The following FSHR variants were observed in gnomAD, a reference collection of about 807,000 sequenced individuals.
FSHR encodes follicle stimulating hormone receptor, also known as follicle-stimulating hormone receptor.
Under a neutral mutation model 52.1 loss-of-function variants are expected in FSHR, and 46 were observed. The ratio of observed to expected loss-of-function variants is 0.88; its 90% CI spans 0.70 to 1.13. The LOEUF (loss-of-function observed/expected upper bound fraction) is 1.13. Among genes scored for constraint, FSHR ranks in the 50% most tolerant of loss-of-function variants. The pLI is 0.00. For synonymous variants in FSHR, 399 were observed against 309.6 expected, an observed-to-expected ratio of 1.29 and a Z score of -3.03; for missense variants, 964 against 834.6, an observed-to-expected ratio of 1.16 and a Z score of -1.91.
In FSHR at chr2:48,981,681, C is replaced by T. The variant is rs371532621; in HGVS notation, c.668+1231G>A. Among the ~76,000 whole-genome samples the T allele has an allele frequency of 3.1e-4, 47 of 152,288 alleles. No homozygotes were observed. The South Asian group carries it at 9.5e-3, about 31-fold the overall frequency. On this transcript the variant is annotated intron_variant, in intron 8 of 9. Transcript: ENST00000406846. ...AATCTCATATATAGATCACAACACA[C>T]CCTTTATCATTAATAATAAATATTT...
chr2:49,018,966 C>G (rs1433287278), intron 3 of FSHR, among the ~76,000 whole-genome samples: 1 of 152,170 alleles, frequency 6.6e-6, no homozygotes, highest in Non-Finnish European at 1.5e-5. Flanking sequence ...TGTTCAAGTT[C>G]TTATTTGTGT....
chr2:49,031,649 G>A (rs1345751186), intron 2 of FSHR, among the ~76,000 whole-genome samples: 2 of 152,138 alleles, frequency 1.3e-5, no homozygotes, highest in Non-Finnish European at 2.9e-5. Flanking sequence ...ATGGGTGAAA[G>A]CTATTACTTC....
intron 9 of FSHR, 127 bp from the exon 10 acceptor site, chr2:48,964,093 T>C: frequency 4.9e-6 from 4 of 819,656 alleles, no homozygotes; most frequent in Non-Finnish European, 7.7e-6. Context: ...TCTCACATCA[T>C]ACCTGCCCTT....
At chr2:48,971,858 A>C (rs1276816303) in intron 8 of FSHR, among the ~76,000 whole-genome samples, 1 of 152,144 alleles carries the variant, frequency 6.6e-6, no homozygotes, top group Non-Finnish European at 1.5e-5. Context: ...GCTCGCTGAA[A>C]GTTTCTTCTT....
chr2:48,991,436 C>G (rs1325685362), intron 4 of FSHR, among the ~76,000 whole-genome samples: 1 of 152,188 alleles, frequency 6.6e-6, no homozygotes, highest in Non-Finnish European at 1.5e-5. Context: ...AACTGTTGAT[C>G]TGAGTGAGGG....
chr2:49,073,086 A>G (rs1309335234), intron 1 of FSHR, among the ~76,000 whole-genome samples: 1 of 152,150 alleles, frequency 6.6e-6, no homozygotes, highest in East Asian at 1.9e-4. Context: ...TAAAGTTTAG[A>G]ATATTTTGCA....
At chr2:48,986,042 C>T (rs1056163876) in intron 6 of FSHR, among the ~76,000 whole-genome samples, 11 of 152,174 alleles carry the variant, frequency 7.2e-5, no homozygotes, top group African/African-American at 2.7e-4. Context: ...ATTAGGTAGT[C>T]TGCACGTCAT....
At chr2:48,992,988 A>AT (rs1335180984) in intron 4 of FSHR, among the ~76,000 whole-genome samples, 8 of 151,228 alleles carry the variant, frequency 5.3e-5, no homozygotes, top group South Asian at 2.1e-4. Context: ...ATCATTTAGC[A>AT]TTTTTTTTCC....
intron 1 of FSHR, among the ~76,000 whole-genome samples, chr2:49,128,147 C>T (rs1048079670): frequency 3.3e-5 from 5 of 151,898 alleles, no homozygotes; most frequent in African/African-American, 1.2e-4. Context: ...CTCCCAAGTG[C>T]TAGGATTGCA....
intron 2 of FSHR, among the ~76,000 whole-genome samples, chr2:49,029,391 G>A (rs1572654380): frequency 6.6e-6 from 1 of 152,176 alleles, no homozygotes; most frequent in South Asian, 2.1e-4. Context: ...AAATCCATTA[G>A]CACACACAGC....
intron 3 of FSHR, 92 bp from the exon 4 acceptor site, chr2:49,017,655 A>C: frequency 2.2e-6 from 2 of 915,560 alleles, no homozygotes; most frequent in East Asian, 2.6e-5. Context: ...TAAATCATTC[A>C]TCCCATCCAC....
At position 48,971,021 on chromosome 2, in the gene FSHR, G is replaced by A. The variant is rs116545800; in HGVS notation, c.669-2138C>T. ...ATAACTGCCCTCATGACCATCTATT[G>A]CAATCTTAGTACTGCAGATATAAAA... is the stretch of plus-strand genomic sequence containing the variant. On this transcript the variant is annotated intron_variant, in intron 8 of 9. Transcript: ENST00000406846. Among the ~76,000 whole-genome samples the A allele has an allele frequency of 9.1e-3, 1,385 of 152,230 alleles. 16 individuals are homozygous for A. The highest frequency in any genetic ancestry group is 0.017 in the Middle Eastern group (5 of 294).
chr2:49,138,226 A>G (rs1176908837), intron 1 of FSHR, among the ~76,000 whole-genome samples: 1 of 152,186 alleles, frequency 6.6e-6, no homozygotes, highest in Non-Finnish European at 1.5e-5. Flanking sequence ...AAGCAATTAC[A>G]ATGATGTGAA....
intron 2 of FSHR, among the ~76,000 whole-genome samples, chr2:49,040,646 A>G (rs1280062792): frequency 1.3e-5 from 2 of 152,162 alleles, no homozygotes; most frequent in Non-Finnish European, 2.9e-5. Flanking sequence ...TGGCATGAGT[A>G]GAGATAAGAA....
chr2:49,131,537 T>C (rs1049912481), intron 1 of FSHR, among the ~76,000 whole-genome samples: 2 of 152,204 alleles, frequency 1.3e-5, no homozygotes, highest in South Asian at 2.1e-4. Context: ...AAGCCGTTTA[T>C]TTTACGTCAC....
At chr2:48,997,702 C>T (rs1676085908) in intron 4 of FSHR, among the ~76,000 whole-genome samples, 1 of 152,106 alleles carries the variant, frequency 6.6e-6, no homozygotes, top group South Asian at 2.1e-4. Flanking sequence ...CATGCTCCAG[C>T]CTTGTATTCC....
chr2:49,101,716 G>T (rs906383871), intron 1 of FSHR, among the ~76,000 whole-genome samples: 1 of 152,036 alleles, frequency 6.6e-6, no homozygotes, highest in Non-Finnish European at 1.5e-5. Flanking sequence ...TAGGTTTCAG[G>T]AATCTGAAAA....
At chr2:49,103,973 G>GTT (rs5831023) in intron 1 of FSHR, among the ~76,000 whole-genome samples, 27,735 of 147,612 alleles carry the variant, frequency 0.19, 2,611 homozygotes, top group African/African-American at 0.25. Flanking sequence ...GGTGGGCTAT[G>GTT]TTTTTTTTTT....
At chr2:49,122,332 G>A (rs549992767) in intron 1 of FSHR, among the ~76,000 whole-genome samples, 1 of 152,166 alleles carries the variant, frequency 6.6e-6, no homozygotes, top group African/African-American at 2.4e-5. Context: ...ATGCATAGAG[G>A]GGGGATGGCT....
Sources: allele counts gnomAD v4.1 joint callset (sites outside exome capture counted in the v4.1 genomes callset), GRCh38; gene constraint gnomAD v4.1.1; transcripts MANE v1.5; gene names NCBI Gene and HGNC (gene_info 2026-07-23, HGNC 2026-07-21).